The following PTPRE variants were observed in gnomAD, a reference collection of about 807,000 sequenced individuals.
PTPRE encodes receptor-type tyrosine-protein phosphatase epsilon.
Under a neutral mutation model 102.0 loss-of-function variants are expected in PTPRE, and 51 were observed. The observed-to-expected ratio is 0.50, with a 90% confidence interval of 0.40 to 0.63. The LOEUF (loss-of-function observed/expected upper bound fraction) is 0.63. PTPRE is among the 30% of genes least tolerant of loss of function. The probability of loss-of-function intolerance (pLI) is 0.00; values close to 1 mark genes in which losing one functional copy is unlikely to be tolerated. For missense variants in PTPRE, 752 were observed against 915.1 expected, an observed-to-expected ratio of 0.82 and a Z score of 2.30; for synonymous variants, 345 against 348.2, an observed-to-expected ratio of 0.99 and a Z score of 0.10.
chr10:127,941,240 A>G (rs1222468748), intron 1 of PTPRE, among the ~76,000 whole-genome samples: 1 of 152,246 alleles, frequency 6.6e-6, no homozygotes, highest in African/African-American at 2.4e-5. Flanking sequence ...ACTTCAGATT[A>G]AACTTCCCCT....
chr10:128,019,706 G>T (rs940087651), intron 2 of PTPRE, among the ~76,000 whole-genome samples: 5 of 152,180 alleles, frequency 3.3e-5, no homozygotes, highest in African/African-American at 1.2e-4. Flanking sequence ...TGTGCATTAA[G>T]GTTCTCCCCA....
chr10:127,944,652 G>C lies in PTPRE; in HGVS notation c.-31+37343G>C, dbSNP rs1848505398. Among the ~76,000 whole-genome samples the C allele has an allele frequency of 6.6e-6, 1 of 152,260 alleles. No individual in the cohort carries two copies. The highest frequency in any genetic ancestry group is 2.1e-4 in the South Asian group (1 of 4,822). ...CCCTATAAGGATTTTGCACATAATA[G>C]AAGGTCATTTGAGGAGATTGAGCAG... is the stretch of plus-strand genomic sequence containing the variant. On this transcript the variant is annotated intron_variant, in intron 1 of 20. Transcript: ENST00000254667. The surrounding 1 kb of genome is among the most constrained non-coding windows in gnomAD (Gnocchi z 4.2).
rs557665107 is a variant in PTPRE, at chr10:128,029,589, G to A, written c.-7-11286G>A. On this transcript the variant is annotated intron_variant, in intron 2 of 20. Transcript: ENST00000254667. Reference sequence around the variant, plus strand: ...GAGGGCGGTGCACTGCTGAAGGCCCGTGGGTCTCCATTCTCTGGGATAATG... The same window carrying A: ...GAGGGCGGTGCACTGCTGAAGGCCCATGGGTCTCCATTCTCTGGGATAATG... 3.0e-4 allele frequency among the ~76,000 whole-genome samples: 46 copies of A among 152,310 alleles called. No homozygotes were observed. The South Asian group carries it at 8.7e-3, about 29-fold the overall frequency.
Position 128,076,632 on chromosome 10 carries a change from G to C in PTPRE, c.1629G>C (p.Glu543Asp). The C allele has an allele frequency of 6.2e-7, 1 of 1,609,690 alleles. No individual in the cohort carries two copies. The highest frequency in any genetic ancestry group is 1.1e-5 in the South Asian group (1 of 90,144). The change falls in exon 18 of 21, where the codon GAG (glutamate) becomes GAC (aspartate). Residue 543 changes from glutamate (E) to aspartate (D), a missense_variant. Glu to Asp is a conservative substitution (Grantham distance 45). This residue lies in a region of PTPRE where 636 missense variants were observed against 824.4 expected (regional missense o/e 0.77). Coordinates refer to ENST00000254667, the MANE Select transcript of PTPRE (RefSeq NM_006504.6). ...AATGCTACCAGTATTGGCCAACCGA[G>C]GGCTCAGTTACTCATGGAGAAATAA... Reference protein sequence around the residue: ...QDKCYQYWPTEGSVTHGEITI... With the variant: ...QDKCYQYWPTDGSVTHGEITI...
chr10:127,986,722 G>A (rs559888049), intron 2 of PTPRE, among the ~76,000 whole-genome samples: 30 of 152,186 alleles, frequency 2.0e-4, no homozygotes, highest in Admixed American at 5.2e-4. Flanking sequence ...AAATCTGTTC[G>A]TTTTAAAATA....
chr10:128,069,931 C>T, intron 13 of PTPRE, 104 bp downstream of exon 13: 2 of 1,560,212 alleles, frequency 1.3e-6, no homozygotes, highest in Non-Finnish European at 1.8e-6. Flanking sequence ...CACGTGGCAA[C>T]CAGCCTGGGC....
chr10:127,981,349 G>A (rs940039277), intron 1 of PTPRE, among the ~76,000 whole-genome samples: 1 of 151,956 alleles, frequency 6.6e-6, no homozygotes, highest in African/African-American at 2.4e-5. Flanking sequence ...GTGGGTGTGG[G>A]GTTTCTTTTT....
chr10:128,074,221 C>T (rs1456727548), intron 17 of PTPRE, among the ~76,000 whole-genome samples: 1 of 152,224 alleles, frequency 6.6e-6, no homozygotes, highest in East Asian at 1.9e-4. Context: ...TAGCATCATG[C>T]TTTCAAGGTT....
At chr10:128,012,863 T>C (rs1845130336) in intron 2 of PTPRE, among the ~76,000 whole-genome samples, 1 of 152,210 alleles carries the variant, frequency 6.6e-6, no homozygotes, top group South Asian at 2.1e-4. Context: ...TTGTCGAATC[T>C]GGTTAATTAA....
chr10:128,019,330 G>A (rs774439780), intron 2 of PTPRE, among the ~76,000 whole-genome samples: 7 of 152,238 alleles, frequency 4.6e-5, no homozygotes, highest in Admixed American at 1.3e-4. Context: ...ACAAGAAAAC[G>A]CGGGTGGATC....
intron 2 of PTPRE, among the ~76,000 whole-genome samples, chr10:127,983,036 C>T (rs918338007): frequency 6.6e-6 from 1 of 152,184 alleles, no homozygotes; most frequent in Non-Finnish European, 1.5e-5. Flanking sequence ...TGATACCGGT[C>T]ACCAGGAAGC....
chr10:127,937,601 G>A (rs1166379768), intron 1 of PTPRE, among the ~76,000 whole-genome samples: 3 of 152,200 alleles, frequency 2.0e-5, no homozygotes, highest in East Asian at 1.9e-4. Context: ...GCTCATGCCT[G>A]TAATCCCAGC....
At chr10:128,067,073 C>T (rs986981351) in intron 11 of PTPRE, among the ~76,000 whole-genome samples, 1 of 151,844 alleles carries the variant, frequency 6.6e-6, no homozygotes, top group Non-Finnish European at 1.5e-5. Flanking sequence ...CACACGTACA[C>T]CCACACACAG....
chr10:127,911,690 A>G (rs1589712419), intron 1 of PTPRE, among the ~76,000 whole-genome samples: 1 of 152,136 alleles, frequency 6.6e-6, no homozygotes, highest in Non-Finnish European at 1.5e-5. Context: ...GCTGGATCCC[A>G]GGCAGGGAGG....
intron 2 of PTPRE, among the ~76,000 whole-genome samples, chr10:128,010,432 A>G (rs1844883288): frequency 6.6e-6 from 1 of 152,200 alleles, no homozygotes; most frequent in African/African-American, 2.4e-5. Context: ...CATCACCACC[A>G]GGTCAGGGAA....
rs1845531848 is a variant in PTPRE at position 127,907,215 on chromosome 10, A to G, written c.-125A>G. The G allele has an allele frequency of 8.2e-6, 8 of 975,742 alleles. No individual in the cohort carries two copies. The highest frequency in any genetic ancestry group is 1.2e-4 in the East Asian group (1 of 8,676). The allele number at this position is 975,742 out of a possible 1,614,324, so 60.4% of individuals were successfully genotyped here. On this transcript the variant is annotated 5_prime_UTR_variant, in exon 1 of 21. Transcript: ENST00000254667. The surrounding 1 kb of genome is among the most constrained non-coding windows in gnomAD (Gnocchi z 4.8). ...CGACCCTTCTTCGCGCCCGGCGAAG[A>G]CAGCCGGGCGCCCCGGAGGGCGGCG...
Position 128,034,322 on chromosome 10 carries a change from A to ACCG in PTPRE, c.-7-6551_-7-6550insGCC, listed in dbSNP as rs1215235204. 1.6e-3 allele frequency among the ~76,000 whole-genome samples: 230 copies of ACCG among 144,636 alleles called. 3 individuals carry two copies. Among genetic ancestry groups the ACCG allele is most frequent in the African/African-American group, 5.7e-3 (217 of 37,848 alleles). The allele number at this position is 144,636 out of a possible 152,430, so 94.9% of individuals were successfully genotyped here. On this transcript the variant is annotated intron_variant, in intron 2 of 20. Coordinates refer to ENST00000254667, the MANE Select transcript of PTPRE (RefSeq NM_006504.6). The stretch of plus-strand genomic sequence containing the variant: ...GAGCACCCAAAACCCTCCCCTCCAC[A>ACCG]CCACCCCCCCCACCGACACACACAC...
At chr10:127,953,452 C>A (rs572793906) in intron 1 of PTPRE, among the ~76,000 whole-genome samples, 33 of 152,356 alleles carry the variant, frequency 2.2e-4, no homozygotes, top group Non-Finnish European at 2.1e-4. Context: ...AGTTACCATG[C>A]AATCTGAACT....
intron 2 of PTPRE, among the ~76,000 whole-genome samples, chr10:128,000,677 GAATA>G (rs1207760127): frequency 6.6e-6 from 1 of 152,238 alleles, no homozygotes; most frequent in African/African-American, 2.4e-5. Context: ...TTCCTGCTGA[GAATA>G]AATATTAGAT....
Sources: allele counts gnomAD v4.1 joint callset (sites outside exome capture counted in the v4.1 genomes callset), GRCh38; gene constraint gnomAD v4.1.1; regional missense constraint gnomAD v4.1.1; non-coding constraint Gnocchi (gnomAD v3.1); transcripts MANE v1.5; gene names NCBI Gene and HGNC (gene_info 2026-07-23, HGNC 2026-07-21).